DISC1: variants seen among roughly 807,000 people sequenced by gnomAD.
DISC1 encodes the protein disrupted in schizophrenia 1 protein.
Under a neutral mutation model 84.5 loss-of-function variants are expected in DISC1, and 57 were observed. The ratio of observed to expected loss-of-function variants is 0.67; its 90% CI spans 0.55 to 0.84. The LOEUF (loss-of-function observed/expected upper bound fraction) is 0.84. Among genes scored for constraint, DISC1 ranks in the 40% least tolerant of loss-of-function variants. DISC1 has a pLI of 0.00. For missense variants in DISC1, 1,000 were observed against 1,057.8 expected (o/e 0.95, Z 0.76); for synonymous variants, 411 against 415.2 (o/e 0.99, Z 0.12).
At chr1:231,768,620 G>A (rs2076329445) in intron 5 of DISC1, among the ~76,000 whole-genome samples, 1 of 152,190 alleles carries the variant, frequency 6.6e-6, no homozygotes, top group Non-Finnish European at 1.5e-5. Flanking sequence ...AAAGGTACTT[G>A]AATATTCATT....
chr1:231,745,828 TG>T, intron 3 of DISC1, among the ~76,000 whole-genome samples: 1 of 152,314 alleles, frequency 6.6e-6, no homozygotes, highest in East Asian at 1.9e-4. Context: ...GTGTTGGAGA[TG>T]GGCCTGGTGG....
At chr1:231,972,703 C>A (rs1662173744) in intron 10 of DISC1, among the ~76,000 whole-genome samples, 1 of 152,200 alleles carries the variant, frequency 6.6e-6, no homozygotes, top group African/African-American at 2.4e-5. Context: ...TAATCACAGC[C>A]ACTAGACCTC....
intron 9 of DISC1, among the ~76,000 whole-genome samples, chr1:231,839,088 A>C (rs1275733175): frequency 6.6e-6 from 1 of 152,192 alleles, no homozygotes; most frequent in African/African-American, 2.4e-5. Flanking sequence ...TCGAGGAGCC[A>C]GGGAGAGCCT....
chr1:231,715,347 T>C lies in DISC1; in HGVS notation c.1117+13323T>C, dbSNP rs186164215. 3.3e-5 allele frequency among the ~76,000 whole-genome samples: 5 copies of C among 152,326 alleles called. No homozygotes were observed. In the East Asian group the frequency reaches 9.6e-4, roughly 29 times the overall value. On this transcript the variant is annotated intron_variant, in intron 3 of 12. Transcript: ENST00000439617. The stretch of plus-strand genomic sequence containing the variant: ...AAAAATGAGGGATGTTAAAAATGCA[T>C]AAAGAAGATTAAAATGAAAACACTC...
At chr1:231,825,903 C>T (rs922157397) in intron 9 of DISC1, among the ~76,000 whole-genome samples, 2 of 152,198 alleles carry the variant, frequency 1.3e-5, no homozygotes, top group Non-Finnish European at 2.9e-5. Flanking sequence ...CTCCATTGCT[C>T]TTTACTGTGT....
At chr1:231,722,799 T>G (rs751411761) in intron 3 of DISC1, 8 of 1,450,306 alleles carry the variant, frequency 5.5e-6, no homozygotes, top group Non-Finnish European at 7.2e-6. Context: ...GCCATGGGCT[T>G]GAAAAAAACC....
intron 9 of DISC1, among the ~76,000 whole-genome samples, chr1:231,912,781 C>A (rs964074554): frequency 4.8e-5 from 7 of 145,544 alleles, no homozygotes; most frequent in African/African-American, 1.8e-4. Context: ...TTCTTTCTTT[C>A]TTTCTTTCTT....
At chr1:231,997,486 G>A (rs949241457) in intron 10 of DISC1, among the ~76,000 whole-genome samples, 4 of 152,070 alleles carry the variant, frequency 2.6e-5, no homozygotes, top group Admixed American at 2.0e-4. Context: ...AGCGTGGAGG[G>A]GGCTTTTCAG....
At chr1:231,797,614 C>A (rs375039785) in intron 7 of DISC1, among the ~76,000 whole-genome samples, 2 of 152,104 alleles carry the variant, frequency 1.3e-5, no homozygotes, top group African/African-American at 2.4e-5. Context: ...ACCTTCATGA[C>A]CTGATCACCT....
chr1:231,942,114 G>A (rs2091380001), intron 9 of DISC1, among the ~76,000 whole-genome samples: 1 of 152,158 alleles, frequency 6.6e-6, no homozygotes, highest in South Asian at 2.1e-4. Flanking sequence ...GGCTGACCAT[G>A]CCCCACCTGA....
intron 10 of DISC1, among the ~76,000 whole-genome samples, chr1:231,998,345 G>A (rs1025170206): frequency 6.6e-6 from 1 of 152,156 alleles, no homozygotes; most frequent in African/African-American, 2.4e-5. Context: ...AAACATATGA[G>A]AGAAAGATTG....
intron 10 of DISC1, among the ~76,000 whole-genome samples, chr1:231,978,499 C>T (rs1221793730): frequency 6.6e-6 from 1 of 152,186 alleles, no homozygotes; most frequent in South Asian, 2.1e-4. Context: ...CTAATTCTTT[C>T]TCCTAATGCA....
At chr1:231,793,185 C>T (rs1053240460) in intron 6 of DISC1, among the ~76,000 whole-genome samples, 1 of 152,190 alleles carries the variant, frequency 6.6e-6, no homozygotes, top group Non-Finnish European at 1.5e-5. Context: ...GGCAGCTTAG[C>T]TCCGATACTT....
At chr1:231,932,407 T>C (rs1041236636) in intron 9 of DISC1, among the ~76,000 whole-genome samples, 2 of 152,234 alleles carry the variant, frequency 1.3e-5, no homozygotes, top group East Asian at 3.8e-4. Flanking sequence ...ATTGAGGACC[T>C]GTGAACACAC....
At chr1:231,769,545 G>A (rs969618493) in intron 5 of DISC1, among the ~76,000 whole-genome samples, 7 of 152,218 alleles carry the variant, frequency 4.6e-5, no homozygotes, top group Non-Finnish European at 1.0e-4. Context: ...ACTTGTCTGA[G>A]TTACCTAGAG....
At chr1:231,711,660 A>T (rs371566172) in intron 3 of DISC1, among the ~76,000 whole-genome samples, 2 of 151,746 alleles carry the variant, frequency 1.3e-5, no homozygotes, top group African/African-American at 4.8e-5. Flanking sequence ...GAGCCACCAC[A>T]CCCGGCCATG....
At chr1:232,004,855 C>G (rs948667243) in intron 10 of DISC1, among the ~76,000 whole-genome samples, 1 of 107,288 alleles carries the variant, frequency 9.3e-6, no homozygotes, top group Admixed American at 8.1e-5. Context: ...ATCTCTCCCT[C>G]CCTCCCTCCC....
intron 9 of DISC1, among the ~76,000 whole-genome samples, chr1:231,882,830 A>G (rs992680233): frequency 1.3e-5 from 2 of 151,956 alleles, no homozygotes; most frequent in African/African-American, 2.4e-5. Flanking sequence ...AAATGTGTGG[A>G]CAGTCTATTA....
At chr1:231,938,814 A>G (rs143646764) in intron 9 of DISC1, among the ~76,000 whole-genome samples, 2,273 of 152,252 alleles carry the variant, frequency 0.015, 29 homozygotes, top group Non-Finnish European at 0.018. Flanking sequence ...CTGAATCCCA[A>G]AGCCTCACGA....
Sources: gnomAD v4.1 joint callset for allele counts (sites outside exome capture counted in the v4.1 genomes callset) on GRCh38, gnomAD v4.1.1 for gene constraint, MANE v1.5 for transcripts, NCBI Gene and HGNC (gene_info 2026-07-23, HGNC 2026-07-21) for gene names.